USP40: variants seen among roughly 807,000 people sequenced by gnomAD.
USP40 encodes ubiquitin carboxyl-terminal hydrolase 40.
A neutral mutation model predicts 166.2 loss-of-function variants in USP40; 143 were observed. The observed-to-expected ratio is 0.86, with a 90% CI of 0.75 to 0.99. The LOEUF (loss-of-function observed/expected upper bound fraction) is 0.99. Ranked by LOEUF, USP40 falls within the 50% of genes least tolerant of loss-of-function variation. USP40 has a pLI of 0.00. For missense variants in USP40, 1,444 were observed against 1,479.7 expected (o/e 0.98, Z 0.40); for synonymous variants, 498 against 524.0 (o/e 0.95, Z 0.68).
chr2:233,539,096 T>C (rs919569085), intron 10 of USP40, among the ~76,000 whole-genome samples: 19 of 151,718 alleles, frequency 1.3e-4, no homozygotes, highest in Non-Finnish European at 1.8e-4. Flanking sequence ...CCTAATAATA[T>C]AGCTTCCAGA....
chr2:233,550,179 T>A (rs1559278830), intron 7 of USP40, among the ~76,000 whole-genome samples: 1 of 152,122 alleles, frequency 6.6e-6, no homozygotes, highest in Non-Finnish European at 1.5e-5. Flanking sequence ...AATATTAAAC[T>A]TTTTAAGTGG....
chr2:233,491,072 C>T (rs765380776), intron 26 of USP40, 95 bp downstream of exon 26: 1 of 950,382 alleles, frequency 1.1e-6, no homozygotes, highest in Non-Finnish European at 1.7e-6. Context: ...TCAGAACAGA[C>T]TGTAATTGAG....
At chr2:233,521,169 C>T (rs2125214673) in intron 16 of USP40, 55 bp from the exon 17 acceptor site, 2 of 1,552,250 alleles carry the variant, frequency 1.3e-6, no homozygotes, top group Non-Finnish European at 1.7e-6. Flanking sequence ...GCATCACTTC[C>T]AAAACTCTGC....
chr2:233,528,949 G>A (rs2068272698), intron 12 of USP40, among the ~76,000 whole-genome samples: 1 of 152,122 alleles, frequency 6.6e-6, no homozygotes, highest in South Asian at 2.1e-4. Context: ...ATCCATCATA[G>A]GCTTTCCCCC....
At chr2:233,556,336 G>A (rs2071094393) in intron 5 of USP40, among the ~76,000 whole-genome samples, 1 of 151,892 alleles carries the variant, frequency 6.6e-6, no homozygotes, top group Admixed American at 6.6e-5. Flanking sequence ...TCATTACAAA[G>A]AACTGAAGGT....
At chr2:233,488,101 C>T (rs1433702504) in intron 28 of USP40, 138 bp downstream of exon 28, 3 of 758,612 alleles carry the variant, frequency 4.0e-6, no homozygotes, top group Non-Finnish European at 7.1e-6. Context: ...ATATTTCTAG[C>T]ACACACTCTG....
At chr2:233,551,652 G>T in intron 6 of USP40, 133 bp from the exon 7 acceptor site, 1 of 855,440 alleles carries the variant, frequency 1.2e-6, no homozygotes, top group Non-Finnish European at 1.7e-6. Flanking sequence ...CATTACCATG[G>T]ATTCAACATA....
At position 233,564,445 on chromosome 2, in the gene USP40, G is replaced by A. The variant is rs2071952230; in HGVS notation, c.199+911C>T. 2.6e-5 allele frequency among the ~76,000 whole-genome samples: 4 copies of A among 152,168 alleles called. No homozygotes were observed. In the South Asian group the frequency reaches 8.3e-4, roughly 32 times the overall value. On this transcript the variant is annotated intron_variant, in intron 2 of 31. Coordinates refer to ENST00000678225, the MANE Select transcript of USP40 (RefSeq NM_001365479.2). ...CACAGCTCCTAGGACCCTTGTGGAGGAAGCTGGTTTGCAGAGATGGGGTAT... is the reference window on the plus strand; with the variant it reads ...CACAGCTCCTAGGACCCTTGTGGAGAAAGCTGGTTTGCAGAGATGGGGTAT...
chr2:233,510,116 AT>A lies in USP40; in HGVS notation c.2545del (p.Met849TrpfsTer14), dbSNP rs1374046581. On this transcript the variant is annotated frameshift_variant, in exon 21 of 32. Coordinates refer to ENST00000678225, the MANE Select transcript of USP40 (RefSeq NM_001365479.2). LOFTEE classifies it high-confidence loss of function. The part of the protein sequence containing the change: ...SSSQLFLFFA[M>X]GSDVQPGTEM... ...TGTCCCAGGTTGAACGTCACTCCCC[AT>A]TGCAAAAAACAGGAACAACTAATAA... 1.2e-6 allele frequency: 2 copies of A among 1,603,522 alleles called. No individual in the cohort carries two copies. Among genetic ancestry groups the A allele is most frequent in the Admixed American group, 3.4e-5 (2 of 59,042 alleles).
At chr2:233,527,801 C>T (rs1287735007) in intron 12 of USP40, among the ~76,000 whole-genome samples, 1 of 152,116 alleles carries the variant, frequency 6.6e-6, no homozygotes, top group Non-Finnish European at 1.5e-5. Context: ...ACATAGGCTG[C>T]AATGTTAACT....
At chr2:233,525,412 C>T (rs1958748827) in intron 14 of USP40, 66 bp downstream of exon 14, 9 of 1,184,460 alleles carry the variant, frequency 7.6e-6, no homozygotes, top group South Asian at 5.4e-5. Context: ...AGTAGAAAAT[C>T]GCAGGTGAGC....
chr2:233,501,296 A>G (rs1164132206), intron 21 of USP40, among the ~76,000 whole-genome samples: 1 of 152,172 alleles, frequency 6.6e-6, no homozygotes, highest in Non-Finnish European at 1.5e-5. Context: ...AGAGGGGGAA[A>G]TGGTTGGAGG....
chr2:233,515,167 C>T lies in USP40; in HGVS notation c.2384-2545G>A, dbSNP rs542597829. Among the ~76,000 whole-genome samples the T allele has an allele frequency of 5.3e-5, 8 of 152,298 alleles. No homozygotes were observed. The East Asian group carries it at 1.5e-3, about 29-fold the overall frequency. On this transcript the variant is annotated intron_variant, in intron 18 of 31. Coordinates refer to ENST00000678225, the MANE Select transcript of USP40 (RefSeq NM_001365479.2). Reference sequence around the variant, plus strand: ...GTTCATCCATTCGCCTGCTCATGGGCTTTAGGATTGCTTCCAGTTTGGGGT... The same window carrying T: ...GTTCATCCATTCGCCTGCTCATGGGTTTTAGGATTGCTTCCAGTTTGGGGT...
At chr2:233,488,636 C>T (rs903189056) in intron 27 of USP40, among the ~76,000 whole-genome samples, 1 of 152,220 alleles carries the variant, frequency 6.6e-6, no homozygotes, top group African/African-American at 2.4e-5. Flanking sequence ...CAGCCTTGGC[C>T]AGGCACAGTG....
intron 17 of USP40, among the ~76,000 whole-genome samples, chr2:233,519,978 G>C (rs1165534487): frequency 6.6e-6 from 1 of 152,106 alleles, no homozygotes; most frequent in African/African-American, 2.4e-5. Context: ...GCAATAAGCT[G>C]ACAAACCAGT....
chr2:233,533,584 T>C lies in USP40; in HGVS notation c.1366A>G (p.Lys456Glu), dbSNP rs34843851. ...TCCTTTTCCCTGATTGGCTGGACTTTAGAATCATTTATATCAAACCAGTGG... is the reference window on the plus strand; with the variant it reads ...TCCTTTTCCCTGATTGGCTGGACTTCAGAATCATTTATATCAAACCAGTGG... The part of the protein sequence containing the change: ...CPHWFDINDS[K>E]VQPIREKDIE... The change falls in exon 11 of 32, where the codon AAA becomes GAA. Residue 456 changes from lysine to glutamate, a missense_variant. Lys to Glu is a moderately conservative substitution (Grantham distance 56). Coordinates refer to ENST00000678225, the MANE Select transcript of USP40 (RefSeq NM_001365479.2). 3.3e-4 allele frequency: 525 copies of C among 1,613,810 alleles called. 4 individuals are homozygous for C. Among genetic ancestry groups the C allele is most frequent in the Admixed American group, 2.0e-4 (12 of 59,986 alleles).
intron 9 of USP40, 29 bp from the exon 10 acceptor site, chr2:233,540,798 A>G: frequency 6.5e-7 from 1 of 1,544,496 alleles, no homozygotes; most frequent in Non-Finnish European, 8.9e-7. Context: ...TCACTCAAGA[A>G]AATCTGATGA....
intron 11 of USP40, among the ~76,000 whole-genome samples, chr2:233,529,796 TTTTTTCTTTTTC>T (rs919478177): frequency 7.6e-6 from 1 of 132,246 alleles, no homozygotes; most frequent in Non-Finnish European, 1.6e-5. Flanking sequence ...TTCATCTTTT[TTTTTTCTTTTTC>T]TTTTTCTTTT....
In USP40 at chr2:233,496,792, G is replaced by C; in HGVS notation, c.2756C>G (p.Thr919Ser). The C allele has an allele frequency of 6.2e-7, 1 of 1,612,592 alleles. No individual in the cohort carries two copies. The highest frequency in any genetic ancestry group is 8.5e-7 in the Non-Finnish European group (1 of 1,179,406). Residue 919 changes from threonine to serine, a missense_variant, in exon 24 of 32, where the codon ACT becomes AGT. By Grantham distance (58) the Thr-to-Ser change is moderately conservative. Transcript: ENST00000678225. ...AAGTTGTCCTTCAATTAAAAGCAAA[G>C]TATCTCCAGAACATATCAGAAGTTC... ...LKELLICSGD[T>S]LLLIEGQLPP...
Sources: gnomAD v4.1 joint callset for allele counts (sites outside exome capture counted in the v4.1 genomes callset) on GRCh38, gnomAD v4.1.1 for gene constraint, MANE v1.5 for transcripts, NCBI Gene and HGNC (gene_info 2026-07-23, HGNC 2026-07-21) for gene names.